Variants in AMOTL1 observed in about 807,000 individuals in gnomAD.
AMOTL1 encodes angiomotin-like protein 1.
In AMOTL1, 45 loss-of-function variants were observed where a neutral mutation model predicts 102.9. The ratio of observed to expected loss-of-function variants is 0.44; its 90% CI spans 0.34 to 0.56. The LOEUF (loss-of-function observed/expected upper bound fraction) is 0.56. AMOTL1 is among the 20% of genes least tolerant of loss of function. AMOTL1 has a pLI of 0.01. For synonymous variants in AMOTL1, 481 were observed against 484.7 expected, an observed-to-expected ratio of 0.99 and a Z score of 0.10; for missense variants, 1,114 against 1,225.6, an observed-to-expected ratio of 0.91 and a Z score of 1.36.
chr11:94,831,315 T>A (rs1255117235), intron 5 of AMOTL1, 137 bp from the exon 6 acceptor site: 3 of 608,348 alleles, frequency 4.9e-6, no homozygotes, highest in Non-Finnish European at 8.6e-6. Flanking sequence ...TTACTGTCTG[T>A]CCCCAAGTTG....
intron 3 of AMOTL1, among the ~76,000 whole-genome samples, chr11:94,743,116 C>G (rs1005983492): frequency 3.9e-5 from 6 of 152,114 alleles, no homozygotes; most frequent in African/African-American, 1.4e-4. Context: ...AAACAGAAGC[C>G]TGAGAGTTTG....
intron 4 of AMOTL1, among the ~76,000 whole-genome samples, chr11:94,824,108 A>T (rs1951919201): frequency 6.6e-6 from 1 of 152,196 alleles, no homozygotes; most frequent in Non-Finnish European, 1.5e-5. Flanking sequence ...TCCTGCACAG[A>T]GGATGGTTCT....
In AMOTL1 at chr11:94,874,357, A is replaced by G. The variant is rs1026763803; in HGVS notation, c.*3562A>G. 3.3e-5 allele frequency: 5 copies of G among 152,258 alleles called. No homozygotes were observed. The highest frequency in any genetic ancestry group is 1.2e-4 in the African/African-American group (5 of 41,456). The allele number at this position is 152,258 out of a possible 1,614,324, so 9.4% of individuals were successfully genotyped here. On this transcript the variant is annotated 3_prime_UTR_variant, in exon 13 of 13. Transcript: ENST00000433060. The stretch of plus-strand genomic sequence containing the variant: ...GGCAGCCAGTGACACTGCAGAGTTC[A>G]GCATGTTCTAACCATGCACGCAGGG...
At chr11:94,718,292 C>T (rs1347179627) in intron 1 of AMOTL1, among the ~76,000 whole-genome samples, 2 of 151,848 alleles carry the variant, frequency 1.3e-5, no homozygotes, top group Non-Finnish European at 2.9e-5. Context: ...GTTTTAATGG[C>T]TATGTGAGAT....
chr11:94,747,194 A>G (rs1476285780), intron 3 of AMOTL1, among the ~76,000 whole-genome samples: 1 of 152,208 alleles, frequency 6.6e-6, no homozygotes, highest in African/African-American at 2.4e-5. Context: ...TTTAGAAAGA[A>G]TAGGTGGGGG....
At chr11:94,796,616 G>A (rs1340064854) in intron 2 of AMOTL1, among the ~76,000 whole-genome samples, 1 of 152,172 alleles carries the variant, frequency 6.6e-6, no homozygotes, top group Non-Finnish European at 1.5e-5. Flanking sequence ...AGAACGGATG[G>A]GATGGGGGAG....
intron 3 of AMOTL1, among the ~76,000 whole-genome samples, chr11:94,757,164 A>G (rs1415161112): frequency 1.3e-5 from 2 of 152,176 alleles, no homozygotes; most frequent in African/African-American, 4.8e-5. Flanking sequence ...ACAGTCTAGC[A>G]CAGCAATAAT....
intron 3 of AMOTL1, among the ~76,000 whole-genome samples, chr11:94,801,155 T>G (rs1311513656): frequency 1.3e-5 from 2 of 152,168 alleles, no homozygotes; most frequent in Non-Finnish European, 2.9e-5. Flanking sequence ...TGGAGAGAGC[T>G]TCCCAGAGGA....
At chr11:94,725,568 A>G (rs569573486) in intron 1 of AMOTL1, among the ~76,000 whole-genome samples, 2 of 152,164 alleles carry the variant, frequency 1.3e-5, no homozygotes, top group Non-Finnish European at 2.9e-5. Context: ...TAAACTATAG[A>G]TATATTAACA....
intron 1 of AMOTL1, among the ~76,000 whole-genome samples, chr11:94,791,768 C>T (rs866409419): frequency 6.6e-5 from 10 of 152,192 alleles, no homozygotes; most frequent in Admixed American, 2.0e-4. Context: ...AAACAGCAGT[C>T]CCTCTCATGC....
At chr11:94,838,558 G>A (rs1261364506) in intron 6 of AMOTL1, among the ~76,000 whole-genome samples, 1 of 152,208 alleles carries the variant, frequency 6.6e-6, no homozygotes, top group African/African-American at 2.4e-5. Context: ...AAAACAGGCT[G>A]TGGGCTGGGT....
chr11:94,794,987 T>C (rs757750683), intron 1 of AMOTL1, 24 bp from the exon 2 acceptor site: 1 of 1,598,006 alleles, frequency 6.3e-7, no homozygotes, highest in Admixed American at 1.8e-5. Flanking sequence ...GGCACTCATA[T>C]TCACTTCGCT....
chr11:94,753,897 T>A (rs1423279698), intron 3 of AMOTL1, among the ~76,000 whole-genome samples: 1 of 152,226 alleles, frequency 6.6e-6, no homozygotes, highest in East Asian at 1.9e-4. Flanking sequence ...GACACAGTCC[T>A]TCCCTCAAAG....
intron 4 of AMOTL1, among the ~76,000 whole-genome samples, chr11:94,822,993 G>A (rs945415425): frequency 2.0e-5 from 3 of 152,118 alleles, no homozygotes; most frequent in African/African-American, 4.8e-5. Flanking sequence ...GCGTAGGAGT[G>A]TAAACCCCAT....
intron 11 of AMOTL1, chr11:94,866,381 A>G: frequency 1.7e-6 from 1 of 587,434 alleles, no homozygotes; most frequent in South Asian, 2.0e-5. Flanking sequence ...GCTCTTAGCC[A>G]TGGGTTGACT....
At chr11:94,834,548 C>T (rs1479122886) in intron 6 of AMOTL1, among the ~76,000 whole-genome samples, 1 of 151,800 alleles carries the variant, frequency 6.6e-6, no homozygotes, top group Admixed American at 6.6e-5. Flanking sequence ...GCTGAGATCG[C>T]GCCACTGCAC....
At chr11:94,804,330 C>T (rs1428115822) in intron 3 of AMOTL1, among the ~76,000 whole-genome samples, 2 of 152,356 alleles carry the variant, frequency 1.3e-5, no homozygotes, top group Admixed American at 6.5e-5. Context: ...GCCTGTCGCT[C>T]AGGCTGGAGT....
chr11:94,768,690 G>T, intron 1 of AMOTL1, 130 bp downstream of exon 1: 1 of 1,348,654 alleles, frequency 7.4e-7, no homozygotes, highest in Admixed American at 2.3e-5. Context: ...CCGGGGCTGA[G>T]ATCCCAGATT....
At chr11:94,815,393 T>C (rs1463763064) in intron 3 of AMOTL1, among the ~76,000 whole-genome samples, 1 of 152,128 alleles carries the variant, frequency 6.6e-6, no homozygotes, top group African/African-American at 2.4e-5. Context: ...TAGGAAAACC[T>C]GAACTCCACA....
Sources: gnomAD v4.1 joint callset for allele counts (sites outside exome capture counted in the v4.1 genomes callset) on GRCh38, gnomAD v4.1.1 for gene constraint, MANE v1.5 for transcripts, NCBI Gene and HGNC (gene_info 2026-07-23, HGNC 2026-07-21) for gene names.